RBPMS: variants seen among roughly 807,000 people sequenced by gnomAD.
The protein encoded by RBPMS is RNA binding protein, mRNA processing factor, also known as RNA-binding protein with multiple splicing.
A neutral mutation model predicts 26.8 loss-of-function variants in RBPMS; 7 were observed. That is an observed-to-expected ratio of 0.26 (90% confidence interval 0.15 to 0.49). RBPMS has a LOEUF of 0.49. Ranked by LOEUF, RBPMS falls within the 20% of genes least tolerant of loss-of-function variation. RBPMS has a pLI of 0.98. For missense variants in RBPMS, 186 were observed against 250.0 expected, an observed-to-expected ratio of 0.74 and a Z score of 1.73; for synonymous variants, 96 against 93.3, an observed-to-expected ratio of 1.03 and a Z score of -0.17.
rs955451642 is a variant in RBPMS at position 30,571,064 on chromosome 8, T to C, written c.*539T>C. On this transcript the variant is annotated 3_prime_UTR_variant, in exon 9 of 9. Coordinates refer to ENST00000397323, the MANE Select transcript of RBPMS (RefSeq NM_001008710.3). Reference sequence around the variant, plus strand: ...TATCCTGAATTGTATTGTGAATATATAGAAATCTGTGCCTGGCCGGAGTCC... The same window carrying C: ...TATCCTGAATTGTATTGTGAATATACAGAAATCTGTGCCTGGCCGGAGTCC... 1 of 151,998 alleles carries C rather than the reference T, an allele frequency of 6.6e-6. No individual in the cohort carries two copies. Among genetic ancestry groups the C allele is most frequent in the African/African-American group, 2.4e-5 (1 of 41,252 alleles). 9.4% of individuals were successfully genotyped at this position (151,998 alleles called of 1,614,324 possible). A position where few individuals can be genotyped will look rare whatever the true frequency, so the allele number is the denominator to read the frequency against.
At chr8:30,427,565 C>T (rs1306910849) in intron 1 of RBPMS, among the ~76,000 whole-genome samples, 2 of 152,352 alleles carry the variant, frequency 1.3e-5, no homozygotes, top group Admixed American at 6.5e-5. Flanking sequence ...GGCAAACTCT[C>T]TCTCTTCCTG....
At chr8:30,463,181 A>G (rs1461289798) in intron 1 of RBPMS, among the ~76,000 whole-genome samples, 1 of 152,206 alleles carries the variant, frequency 6.6e-6, no homozygotes, top group Non-Finnish European at 1.5e-5. Context: ...CTTACTATGA[A>G]CCAAGCATTG....
chr8:30,385,392 TAAGTATAATGCTCAGC>T (rs1186682321), intron 1 of RBPMS: 1 of 386,592 alleles, frequency 2.6e-6, no homozygotes, highest in Non-Finnish European at 4.6e-6. Flanking sequence ...GAGACTTTTG[TAAGTATAATGCTCAGC>T]TTTGTTTGCC....
chr8:30,549,444 A>T, intron 6 of RBPMS: 1 of 1,451,096 alleles, frequency 6.9e-7, no homozygotes, highest in Non-Finnish European at 9.7e-7. Context: ...CATTGTTTTC[A>T]GACATAAATG....
intron 7 of RBPMS, among the ~76,000 whole-genome samples, chr8:30,562,860 C>T (rs542429282): frequency 1.3e-5 from 2 of 152,118 alleles, no homozygotes; most frequent in Non-Finnish European, 2.9e-5. Flanking sequence ...AGAGGTCCTT[C>T]AAGGATTTTT....
intron 5 of RBPMS, among the ~76,000 whole-genome samples, chr8:30,517,237 T>TGTGTGTGA (rs1345600650): frequency 7.3e-5 from 10 of 137,070 alleles, no homozygotes; most frequent in African/African-American, 2.7e-4. Flanking sequence ...TGTGTGTGTG[T>TGTGTGTGA]GAAATACCAT....
chr8:30,518,687 C>CTTTTTTTTTTTTTTTTTTTTTTTTTTT lies in RBPMS; in HGVS notation c.397+14253_397+14279dup, dbSNP rs58763494. ...CAGTGATCCGCCCGGCCAAGCATGA[C>CTTTTTTTTTTTTTTTTTTTTTTTTTTT]TTTTTTTTTTTTTTTTTTTTTTTTT... is the stretch of plus-strand genomic sequence containing the variant. On this transcript the variant is annotated intron_variant, in intron 5 of 8. Coordinates refer to ENST00000397323, the MANE Select transcript of RBPMS (RefSeq NM_001008710.3). Among the ~76,000 whole-genome samples the CTTTTTTTTTTTTTTTTTTTTTTTTTTT allele has an allele frequency of 3.3e-4, 6 of 18,244 alleles. 2 individuals are homozygous for CTTTTTTTTTTTTTTTTTTTTTTTTTTT. Among genetic ancestry groups the CTTTTTTTTTTTTTTTTTTTTTTTTTTT allele is most frequent in the Admixed American group, 1.1e-3 (1 of 930 alleles). The allele number at this position is 18,244 out of a possible 152,430, so 12.0% of individuals were successfully genotyped here. A position where few individuals can be genotyped will look rare whatever the true frequency, so the allele number is the denominator to read the frequency against.
intron 1 of RBPMS, among the ~76,000 whole-genome samples, chr8:30,455,037 G>A (rs1404235169): frequency 6.6e-6 from 1 of 152,202 alleles, no homozygotes; most frequent in Non-Finnish European, 1.5e-5. Context: ...TGGCCAGGCT[G>A]GTCTCGAATT....
At chr8:30,507,039 T>C (rs1005541934) in intron 5 of RBPMS, among the ~76,000 whole-genome samples, 3 of 152,132 alleles carry the variant, frequency 2.0e-5, no homozygotes, top group African/African-American at 7.2e-5. Flanking sequence ...GCAGCTTAGT[T>C]GAGATTGACC....
intron 5 of RBPMS, among the ~76,000 whole-genome samples, chr8:30,527,474 C>T (rs1029725956): frequency 1.3e-5 from 2 of 152,242 alleles, no homozygotes; most frequent in Non-Finnish European, 2.9e-5. Flanking sequence ...CCAGAGACAA[C>T]TCTTCCAACA....
At chr8:30,388,875 A>C (rs1023550644) in intron 1 of RBPMS, among the ~76,000 whole-genome samples, 32 of 152,208 alleles carry the variant, frequency 2.1e-4, no homozygotes, top group Admixed American at 1.4e-3. Context: ...AAAAAGCAAA[A>C]AACGTGGAAG....
chr8:30,471,086 G>A (rs1817044146), intron 1 of RBPMS, among the ~76,000 whole-genome samples: 1 of 152,072 alleles, frequency 6.6e-6, no homozygotes, highest in Non-Finnish European at 1.5e-5. Flanking sequence ...ATTTTAGAAA[G>A]ATGGAAAATA....
intron 1 of RBPMS, among the ~76,000 whole-genome samples, chr8:30,411,271 A>T (rs555555581): frequency 6.6e-6 from 1 of 152,226 alleles, no homozygotes; most frequent in East Asian, 1.9e-4. Context: ...GAGGCCATTA[A>T]GTAGGAGTCT....
rs1161177976 is a variant in RBPMS at position 30,511,483 on chromosome 8, AAAAATATATATATATAT to A, written c.397+7049_397+7065del. ...TAAAACAAAAAAAGAAAAAAAAAAA[AAAAATATATATATATAT>A]ATATATATATATATATATATATATA... is the stretch of plus-strand genomic sequence containing the variant. On this transcript the variant is annotated intron_variant, in intron 5 of 8. Transcript: ENST00000397323. Among the ~76,000 whole-genome samples, 23 of 4,608 alleles carry A rather than the reference AAAAATATATATATATAT, an allele frequency of 5.0e-3. 1 individual carries two copies. The highest frequency in any genetic ancestry group is 0.04 in the South Asian group (5 of 126). The allele number at this position is 4,608 out of a possible 152,430, so 3.0% of individuals were successfully genotyped here.
At chr8:30,494,145 A>AC (rs1819683932) in intron 4 of RBPMS, among the ~76,000 whole-genome samples, 1 of 152,224 alleles carries the variant, frequency 6.6e-6, no homozygotes, top group Admixed American at 6.5e-5. Context: ...ATGGGGCAGG[A>AC]GAAGCAGGAC....
At chr8:30,530,186 T>C (rs1353913486) in intron 5 of RBPMS, among the ~76,000 whole-genome samples, 4 of 152,200 alleles carry the variant, frequency 2.6e-5, no homozygotes, top group African/African-American at 9.6e-5. Flanking sequence ...GCCCAAGTTT[T>C]AACTGGAATG....
intron 4 of RBPMS, among the ~76,000 whole-genome samples, chr8:30,490,352 C>A (rs992172626): frequency 6.6e-6 from 1 of 152,192 alleles, no homozygotes; most frequent in African/African-American, 2.4e-5. Context: ...CATCTTTCTC[C>A]ATTTCAAATT....
chr8:30,507,048 C>A (rs899849161), intron 5 of RBPMS, among the ~76,000 whole-genome samples: 2 of 152,136 alleles, frequency 1.3e-5, no homozygotes, highest in Non-Finnish European at 2.9e-5. Context: ...TTGAGATTGA[C>A]CCCGAATCAG....
chr8:30,570,099 G>A (rs577645729), intron 8 of RBPMS, among the ~76,000 whole-genome samples: 11 of 152,238 alleles, frequency 7.2e-5, no homozygotes, highest in Admixed American at 2.6e-4. Flanking sequence ...CATCCCGTAC[G>A]CTATGTTTCA....
Sources: allele counts gnomAD v4.1 joint callset (sites outside exome capture counted in the v4.1 genomes callset), GRCh38; gene constraint gnomAD v4.1.1; transcripts MANE v1.5; gene names NCBI Gene and HGNC (gene_info 2026-07-23, HGNC 2026-07-21).